C1orf226: variants seen among roughly 807,000 people sequenced by gnomAD.
The protein encoded by C1orf226 is uncharacterized protein C1orf226.
In C1orf226, 4 loss-of-function variants were observed where a neutral mutation model predicts 10.5. That is an observed-to-expected ratio of 0.38 (90% CI 0.19 to 0.87). C1orf226 has a LOEUF of 0.87. C1orf226 is among the 40% of genes least tolerant of loss of function. C1orf226 has a pLI of 0.41. For missense variants in C1orf226, 313 were observed against 336.2 expected (o/e 0.93, Z 0.54); for synonymous variants, 125 against 139.3 (o/e 0.90, Z 0.72).
intron 1 of C1orf226, 48 bp from the exon 2 acceptor site, chr1:162,383,134 G>T: frequency 6.6e-7 from 1 of 1,510,416 alleles, no homozygotes; most frequent in Non-Finnish European, 8.9e-7. Context: ...GTGGATTGGT[G>T]TCTTGCTGTC....
intron 1 of C1orf226, among the ~76,000 whole-genome samples, chr1:162,382,569 A>G (rs1236506004): frequency 6.6e-6 from 1 of 152,190 alleles, no homozygotes. Context: ...CAGATAACTC[A>G]CGTTCAGACA....
chr1:162,383,166 G>T lies in C1orf226; in HGVS notation c.318-16G>T. On this transcript the variant is annotated splice_polypyrimidine_tract_variant and intron_variant, in intron 1 of 1. Coordinates refer to ENST00000458626, the MANE Select transcript of C1orf226 (RefSeq NM_001085375.2). The stretch of plus-strand genomic sequence containing the variant: ...TGTCCTTAAGGCATGTGTGTTTATT[G>T]TCATTAACCTTACAGGTCAGTCCTG... The T allele has an allele frequency of 6.5e-7, 1 of 1,543,558 alleles. No individual in the cohort carries two copies.
intron 1 of C1orf226, among the ~76,000 whole-genome samples, chr1:162,382,657 C>T (rs1485227007): frequency 6.6e-6 from 1 of 152,178 alleles, no homozygotes; most frequent in Non-Finnish European, 1.5e-5. Flanking sequence ...CCCAGAAGGT[C>T]CCCAGGTAGA....
Position 162,383,613 on chromosome 1 carries a change from C to G in C1orf226, c.749C>G (p.Pro250Arg), listed in dbSNP as rs1463320782. ...GCTGAGTCCTGGGAGGATGGCAGCCCCCCTCCTCAGGCACGGACCTCCAGC... is the reference window on the plus strand; with the variant it reads ...GCTGAGTCCTGGGAGGATGGCAGCCGCCCTCCTCAGGCACGGACCTCCAGC... Reference protein sequence around the residue: ...SLAESWEDGSPPPQARTSSLD... With the variant: ...SLAESWEDGSRPPQARTSSLD... The change falls in exon 2 of 2, where the codon CCC becomes CGC. Residue 250 changes from proline to arginine, a missense_variant. Transcript: ENST00000458626. 6.2e-7 allele frequency: 1 copy of G among 1,608,354 alleles called. No homozygotes were observed.
Position 162,383,482 on chromosome 1 carries a change from T to C in C1orf226, c.618T>C (p.Asp206=). 1 of 1,599,356 alleles carries C rather than the reference T, an allele frequency of 6.3e-7. No homozygotes were observed. The highest frequency in any genetic ancestry group is 1.1e-5 in the South Asian group (1 of 88,614). ...CAGTACCTGACCTAATCCACAAGGA[T>C]AGCCAGGACGAATCCAAGCTAAAGA... The part of the protein sequence containing the change: ...SLSVPDLIHK[D]SQDESKLKMT... The change falls in exon 2 of 2, where the codon GAT becomes GAC. Residue 206 remains aspartate (D), a synonymous_variant. Transcript: ENST00000458626.
chr1:162,383,481 A>G lies in C1orf226; in HGVS notation c.617A>G (p.Asp206Gly). The G allele has an allele frequency of 6.3e-7, 1 of 1,599,266 alleles. No individual in the cohort carries two copies. Among genetic ancestry groups the G allele is most frequent in the South Asian group, 1.1e-5 (1 of 88,604 alleles). ...SLSVPDLIHK[D>G]SQDESKLKMT... ...TCAGTACCTGACCTAATCCACAAGG[A>G]TAGCCAGGACGAATCCAAGCTAAAG... is the stretch of plus-strand genomic sequence containing the variant. The change falls in exon 2 of 2, where the codon GAT (aspartate) becomes GGT (glycine). Residue 206 changes from aspartate to glycine, a missense_variant. Physicochemically the swap from Asp to Gly is moderately conservative, Grantham distance 94. Transcript: ENST00000458626.
At chr1:162,380,542 T>G (rs1332173788), upstream of C1orf226, among the ~76,000 whole-genome samples, 5 of 152,224 alleles carry the variant, frequency 3.3e-5, no homozygotes, top group African/African-American at 1.2e-4. Context: ...AAATAGACAC[T>G]TAGCAGAGGT....
At chr1:162,382,292 T>G in intron 1 of C1orf226, 74 bp downstream of exon 1, 1 of 1,495,960 alleles carries the variant, frequency 6.7e-7, no homozygotes, top group Non-Finnish European at 8.9e-7. Context: ...CAAACTGCAG[T>G]GTCTGCACAG....
chr1:162,383,701 G>T lies in C1orf226; in HGVS notation c.*18G>T. ...TTGAATAGAGCCTCTGCTCTTTCCT[G>T]CTGAGCTCTGCCCTTGTCTTCCTGC... is the stretch of plus-strand genomic sequence containing the variant. On this transcript the variant is annotated 3_prime_UTR_variant, in exon 2 of 2. Coordinates refer to ENST00000458626, the MANE Select transcript of C1orf226 (RefSeq NM_001085375.2). 1 of 1,567,622 alleles carries T rather than the reference G, an allele frequency of 6.4e-7. No homozygotes were observed. The highest frequency in any genetic ancestry group is 1.2e-5 in the South Asian group (1 of 83,794).
chr1:162,379,884 G>T (rs535383383), upstream of C1orf226, among the ~76,000 whole-genome samples: 1 of 152,340 alleles, frequency 6.6e-6, no homozygotes, highest in South Asian at 2.1e-4. Context: ...CCAATAAGGA[G>T]ACCACCAGGG....
chr1:162,383,532 C>G lies in C1orf226; in HGVS notation c.668C>G (p.Ser223Cys). Residue 223 changes from serine (S) to cysteine (C), a missense_variant, in exon 2 of 2, where the codon TCC (serine) becomes TGC (cysteine). Physicochemically the swap from Ser to Cys is moderately radical, Grantham distance 112 (BLOSUM62 -1). Coordinates refer to ENST00000458626, the MANE Select transcript of C1orf226 (RefSeq NM_001085375.2). ...ATGACTGAGTGCAGAAGGGCCTCCT[C>G]CCCCAGCCTTATCGAGAGGAATGGC... ...LKMTECRRASSPSLIERNGFK... is the reference protein window; with the variant it reads ...LKMTECRRASCPSLIERNGFK... The G allele has an allele frequency of 6.2e-7, 1 of 1,605,860 alleles. No homozygotes were observed. The highest frequency in any genetic ancestry group is 8.5e-7 in the Non-Finnish European group (1 of 1,175,750).
Position 162,383,806 on chromosome 1 carries a change from A to C in C1orf226, c.*123A>C. On this transcript the variant is annotated 3_prime_UTR_variant, in exon 2 of 2. Transcript: ENST00000458626. ...TGTCTTCCTTGTATGAGGCACCAGC[A>C]GAGAGCCAGTCGTCCATCATGGGAT... The C allele has an allele frequency of 5.2e-6, 5 of 968,342 alleles. No homozygotes were observed. The highest frequency in any genetic ancestry group is 2.9e-5 in the Admixed American group (1 of 34,322). 60.0% of individuals were successfully genotyped at this position (968,342 alleles called of 1,614,324 possible). A position where few individuals can be genotyped will look rare whatever the true frequency, so the allele number is the denominator to read the frequency against.
rs1648016572 is a variant in C1orf226 at position 162,383,836 on chromosome 1, C to T, written c.*153C>T. The T allele has an allele frequency of 3.9e-6, 3 of 759,618 alleles. No homozygotes were observed. The highest frequency in any genetic ancestry group is 4.1e-6 in the Non-Finnish European group (2 of 485,652). 47.1% of individuals were successfully genotyped at this position (759,618 alleles called of 1,614,324 possible). ...GCCAGTCGTCCATCATGGGATTTTG[C>T]AGGACTGGAAGTCCTTGAGTAGTTC... On this transcript the variant is annotated 3_prime_UTR_variant, in exon 2 of 2. Transcript: ENST00000458626.
At chr1:162,379,149 C>G, upstream of C1orf226, 1 of 634,406 alleles carries the variant, frequency 1.6e-6, no homozygotes, top group Non-Finnish European at 2.9e-6. Context: ...CCAGTCATCT[C>G]TCTGTCCTCC....
Position 162,383,642 on chromosome 1 carries a change from G to C in C1orf226, c.778G>C (p.Asp260His). ...PPPQARTSSL[D>H]NEGPHPDLLS... is the part of the protein sequence containing the mutation. ...TCCTCAGGCACGGACCTCCAGCCTC[G>C]ACAATGAGGGCCCTCACCCAGACCT... Residue 260 changes from aspartate (D) to histidine (H), a missense_variant, in exon 2 of 2, where the codon GAC (aspartate) becomes CAC (histidine). Asp to His is a moderately conservative substitution (Grantham distance 81, BLOSUM62 -1). Coordinates refer to ENST00000458626, the MANE Select transcript of C1orf226 (RefSeq NM_001085375.2). 1 of 1,609,036 alleles carries C rather than the reference G, an allele frequency of 6.2e-7. No individual in the cohort carries two copies. The highest frequency in any genetic ancestry group is 1.3e-5 in the African/African-American group (1 of 74,964).
upstream of C1orf226, among the ~76,000 whole-genome samples, chr1:162,379,615 A>T (rs994251090): frequency 3.3e-5 from 5 of 152,212 alleles, no homozygotes; most frequent in Non-Finnish European, 5.9e-5. Flanking sequence ...TACTGGAAAG[A>T]CTTAGACAAG....
upstream of C1orf226, among the ~76,000 whole-genome samples, chr1:162,379,218 T>G (rs1393311322): frequency 6.6e-6 from 1 of 151,820 alleles, no homozygotes; most frequent in East Asian, 1.9e-4. Context: ...AGATAATGTG[T>G]GGGGGTCATT....
chr1:162,383,071 A>T (rs541948769), intron 1 of C1orf226, 111 bp from the exon 2 acceptor site: 3 of 1,031,774 alleles, frequency 2.9e-6, no homozygotes, highest in African/African-American at 3.2e-5. Context: ...TAGAGCAGTT[A>T]TTGGGTGGGG....
At chr1:162,379,371 T>C (rs12039253), upstream of C1orf226, among the ~76,000 whole-genome samples, 4,986 of 152,138 alleles carry the variant, frequency 0.033, 249 homozygotes, top group East Asian at 0.11. Context: ...ACCACTCCCA[T>C]AGAGGGAGTT....
Sources: allele counts gnomAD v4.1 joint callset (sites outside exome capture counted in the v4.1 genomes callset), GRCh38; gene constraint gnomAD v4.1.1; transcripts MANE v1.5; gene names NCBI Gene and HGNC (gene_info 2026-07-23, HGNC 2026-07-21).